MGAT5: variants seen among roughly 807,000 people sequenced by gnomAD.
MGAT5 encodes alpha-1,6-mannosylglycoprotein 6-beta-N-acetylglucosaminyltransferase A.
Under a neutral mutation model 94.3 loss-of-function variants are expected in MGAT5, and 30 were observed. That is an observed-to-expected ratio of 0.32 (90% CI 0.24 to 0.43). MGAT5 has a LOEUF of 0.43. Among genes scored for constraint, MGAT5 ranks in the 20% least tolerant of loss-of-function variants. MGAT5 has a pLI of 1.00. For synonymous variants in MGAT5, 310 were observed against 322.9 expected (o/e 0.96, Z 0.43); for missense variants, 691 against 905.5 (o/e 0.76, Z 3.04).
Position 134,257,721 on chromosome 2 carries a change from C to T in MGAT5, c.241+3077C>T, listed in dbSNP as rs971310345. ...AGTATCAGTAACATTGTGTGACATG[C>T]AGGCAGCTCTGGTAGTTAATGTCAC... On this transcript the variant is annotated intron_variant, in intron 1 of 15. Coordinates refer to ENST00000281923, the MANE Select transcript of MGAT5 (RefSeq NM_002410.5). 5.9e-5 allele frequency among the ~76,000 whole-genome samples: 9 copies of T among 152,074 alleles called. No individual in the cohort carries two copies. The South Asian group carries it at 6.2e-4, about 11-fold the overall frequency.
chr2:134,234,186 G>T (rs1039032168), intron 1 of MGAT5, among the ~76,000 whole-genome samples: 1 of 152,178 alleles, frequency 6.6e-6, no homozygotes, highest in Non-Finnish European at 1.5e-5. Flanking sequence ...GTAGTTGGGG[G>T]CTGAGAAGGA....
chr2:134,197,516 T>C (rs1362083745), intron 1 of MGAT5, among the ~76,000 whole-genome samples: 2 of 152,234 alleles, frequency 1.3e-5, no homozygotes, highest in Non-Finnish European at 2.9e-5. Context: ...CCTCCTGGTA[T>C]AACTTGCTAT....
intron 10 of MGAT5, among the ~76,000 whole-genome samples, chr2:134,386,730 A>G (rs183815148): frequency 8.4e-4 from 128 of 152,328 alleles, no homozygotes; most frequent in African/African-American, 2.9e-3. Context: ...CCTAGTTACT[A>G]GGGAGATTAG....
chr2:134,431,963 C>T lies in MGAT5; in HGVS notation c.1869+3524C>T, dbSNP rs187038672. ...TCTCTTAATGTCCCCACTTCCTTTA[C>T]TGTACTGAAAATGTTGATTCAGAGT... On this transcript the variant is annotated intron_variant, in intron 14 of 15. Transcript: ENST00000281923. Among the ~76,000 whole-genome samples the T allele has an allele frequency of 1.5e-3, 231 of 152,338 alleles. 1 individual carries two copies. The highest frequency in any genetic ancestry group is 0.012 in the Admixed American group (190 of 15,302).
At chr2:134,392,450 C>G (rs568839996) in intron 10 of MGAT5, among the ~76,000 whole-genome samples, 1 of 152,152 alleles carries the variant, frequency 6.6e-6, no homozygotes, top group African/African-American at 2.4e-5. Context: ...TTTAAAGGGA[C>G]CTTACGCTGC....
chr2:134,280,817 A>G (rs1012787295), intron 2 of MGAT5, among the ~76,000 whole-genome samples: 4 of 152,250 alleles, frequency 2.6e-5, no homozygotes, highest in Non-Finnish European at 5.9e-5. Context: ...GCTGGGCACA[A>G]AATAAGAGCT....
chr2:134,146,984 T>G (rs1686950175), intron 1 of MGAT5, among the ~76,000 whole-genome samples: 1 of 152,202 alleles, frequency 6.6e-6, no homozygotes, highest in African/African-American at 2.4e-5. Flanking sequence ...TGGTGGTCCC[T>G]TTCCACTCGA....
At chr2:134,245,164 C>T (rs1316248449) in intron 1 of MGAT5, among the ~76,000 whole-genome samples, 2 of 152,122 alleles carry the variant, frequency 1.3e-5, no homozygotes, top group African/African-American at 4.8e-5. Flanking sequence ...AGGCGCCTGC[C>T]ACCACGCCCG....
At chr2:134,333,039 G>A (rs897434259) in intron 4 of MGAT5, among the ~76,000 whole-genome samples, 147 of 152,240 alleles carry the variant, frequency 9.7e-4, no homozygotes, top group Non-Finnish European at 1.7e-3. Context: ...ATTCCTCAGG[G>A]ATCTAGAACT....
intron 1 of MGAT5, among the ~76,000 whole-genome samples, chr2:134,215,423 A>T (rs1324009545): frequency 6.6e-6 from 1 of 152,214 alleles, no homozygotes; most frequent in Admixed American, 6.5e-5. Flanking sequence ...GGGTGGCTAC[A>T]TCTGCTCAGC....
chr2:134,292,611 G>C (rs1573721974), intron 2 of MGAT5, among the ~76,000 whole-genome samples: 1 of 152,100 alleles, frequency 6.6e-6, no homozygotes, highest in African/African-American at 2.4e-5. Context: ...ATACAATTCA[G>C]GTTTATTTTC....
At chr2:134,238,816 G>A (rs1681800767) in intron 1 of MGAT5, among the ~76,000 whole-genome samples, 1 of 152,048 alleles carries the variant, frequency 6.6e-6, no homozygotes, top group Non-Finnish European at 1.5e-5. Context: ...GGTGGTGCAT[G>A]CCTGTAATCC....
chr2:134,260,696 C>CTTTT (rs1267044246), intron 1 of MGAT5, among the ~76,000 whole-genome samples: 1 of 124,406 alleles, frequency 8.0e-6, no homozygotes, highest in South Asian at 2.7e-4. Context: ...TTTCTTTTTT[C>CTTTT]TTTTTCTTTT....
intron 1 of MGAT5, among the ~76,000 whole-genome samples, chr2:134,260,012 A>G (rs912319953): frequency 6.6e-6 from 1 of 152,134 alleles, no homozygotes; most frequent in Non-Finnish European, 1.5e-5. Context: ...AGCCAGGTAC[A>G]GTGGAAAGAG....
At chr2:134,417,256 T>C (rs1050823337) in intron 12 of MGAT5, among the ~76,000 whole-genome samples, 7 of 152,188 alleles carry the variant, frequency 4.6e-5, no homozygotes, top group Admixed American at 2.6e-4. Flanking sequence ...AGCTTCTTCT[T>C]ATGGCAGCTT....
chr2:134,191,547 C>T (rs1433153661), intron 1 of MGAT5, among the ~76,000 whole-genome samples: 8 of 150,604 alleles, frequency 5.3e-5, no homozygotes, highest in Non-Finnish European at 8.9e-5. Flanking sequence ...GAGCGGGTTC[C>T]TGATAGGAGG....
chr2:134,200,140 C>T (rs1350442590), intron 1 of MGAT5, among the ~76,000 whole-genome samples: 1 of 144,278 alleles, frequency 6.9e-6, no homozygotes, highest in Non-Finnish European at 1.5e-5. Context: ...CTCCCTACCC[C>T]GCCCCCCAAT....
At chr2:134,403,258 C>G (rs766872706) in intron 11 of MGAT5, 121 bp downstream of exon 11, 2 of 1,043,644 alleles carry the variant, frequency 1.9e-6, no homozygotes, top group Non-Finnish European at 2.7e-6. Context: ...TTTGGGGCAG[C>G]AGTTTGCTAG....
At chr2:134,152,324 A>G (rs1235757806) in intron 1 of MGAT5, among the ~76,000 whole-genome samples, 10 of 87,806 alleles carry the variant, frequency 1.1e-4, no homozygotes, top group African/African-American at 3.6e-4. Context: ...CTCACGCCCT[A>G]TGGGACCCGC....
Sources: gnomAD v4.1 joint callset for allele counts (sites outside exome capture counted in the v4.1 genomes callset) on GRCh38, gnomAD v4.1.1 for gene constraint, MANE v1.5 for transcripts, NCBI Gene and HGNC (gene_info 2026-07-23, HGNC 2026-07-21) for gene names.